The following EPHA6 variants were observed in gnomAD, a reference collection of about 807,000 sequenced individuals.
EPHA6 encodes the protein ephrin type-A receptor 6.
Under a neutral mutation model 112.0 loss-of-function variants are expected in EPHA6, and 50 were observed. The observed-to-expected ratio is 0.45, with a 90% CI of 0.36 to 0.56. The LOEUF is 0.56. Ranked by LOEUF, EPHA6 falls within the 20% of genes least tolerant of loss-of-function variation. EPHA6 has a pLI of 0.00. For synonymous variants in EPHA6, 529 were observed against 490.7 expected (o/e 1.08, Z -1.03); for missense variants, 1,280 against 1,417.4 (o/e 0.90, Z 1.56).
intron 3 of EPHA6, among the ~76,000 whole-genome samples, chr3:97,112,643 G>GTT (rs149242710): frequency 8.7e-5 from 13 of 148,972 alleles, no homozygotes; most frequent in African/African-American, 1.5e-4. Context: ...ACTATGAGTG[G>GTT]TTTTTTTTTT....
chr3:96,931,756 G>C (rs1382629684), intron 2 of EPHA6, among the ~76,000 whole-genome samples: 1 of 152,216 alleles, frequency 6.6e-6, no homozygotes, highest in Admixed American at 6.5e-5. Context: ...TTTCAAACCA[G>C]TGAGTCTTAT....
intron 1 of EPHA6, among the ~76,000 whole-genome samples, chr3:96,845,801 A>G (rs1471751990): frequency 2.6e-5 from 4 of 151,958 alleles, no homozygotes; most frequent in African/African-American, 9.7e-5. Flanking sequence ...CTGATTCAGA[A>G]CTGGCTCAAC....
intron 5 of EPHA6, chr3:97,244,663 T>C (rs936868549): frequency 3.7e-6 from 1 of 272,400 alleles, no homozygotes; most frequent in Non-Finnish European, 6.8e-6. Flanking sequence ...CCTTTTTGCA[T>C]GTCAAATAAA....
At position 97,659,159 on chromosome 3, in the gene EPHA6, T is replaced by C. The variant is rs372646999; in HGVS notation, c.2784+21077T>C. 4.3e-4 allele frequency among the ~76,000 whole-genome samples: 65 copies of C among 152,092 alleles called. No individual in the cohort carries two copies. The East Asian group carries it at 0.012, about 29-fold the overall frequency. On this transcript the variant is annotated intron_variant, in intron 14 of 17. Transcript: ENST00000389672. ...GGGATTCCCATAGTGGACTTTAATC[T>C]GATTTAGTCAGTGTTTCCATCTATA...
intron 2 of EPHA6, among the ~76,000 whole-genome samples, chr3:96,926,583 G>T (rs557849330): frequency 6.6e-6 from 1 of 152,192 alleles, no homozygotes; most frequent in South Asian, 2.1e-4. Context: ...ATACAGTGGG[G>T]GCACAGGTAT....
chr3:97,182,555 A>G (rs1262228073), intron 3 of EPHA6, among the ~76,000 whole-genome samples: 1 of 152,040 alleles, frequency 6.6e-6, no homozygotes, highest in African/African-American at 2.4e-5. Context: ...CTGGAACACA[A>G]TCAGTATTTT....
At chr3:97,626,062 T>C (rs2093854061) in intron 13 of EPHA6, among the ~76,000 whole-genome samples, 1 of 151,806 alleles carries the variant, frequency 6.6e-6, no homozygotes, top group South Asian at 2.1e-4. Flanking sequence ...GGAATAATTA[T>C]TGAAATTAAA....
intron 3 of EPHA6, among the ~76,000 whole-genome samples, chr3:97,127,082 C>T (rs2048202702): frequency 6.6e-6 from 1 of 151,932 alleles, no homozygotes; most frequent in Admixed American, 6.6e-5. Context: ...CATACAAATT[C>T]ATTTAATAAG....
At chr3:97,234,663 A>G (rs1348389763) in intron 4 of EPHA6, among the ~76,000 whole-genome samples, 1 of 151,968 alleles carries the variant, frequency 6.6e-6, no homozygotes, top group African/African-American at 2.4e-5. Context: ...TTTTCTGATC[A>G]TTTTGTTTAT....
chr3:97,010,205 T>C, intron 3 of EPHA6: 1 of 647,324 alleles, frequency 1.5e-6, no homozygotes, highest in Non-Finnish European at 2.2e-6. Context: ...TGGGTTCTGG[T>C]CAATCAAAGG....
chr3:96,920,634 G>A (rs1345033505), intron 2 of EPHA6, among the ~76,000 whole-genome samples: 1 of 151,712 alleles, frequency 6.6e-6, no homozygotes, highest in Non-Finnish European at 1.5e-5. Context: ...ACAGAAACCT[G>A]TAAGGATTGT....
intron 6 of EPHA6, among the ~76,000 whole-genome samples, chr3:97,408,274 C>T (rs2087490587): frequency 6.6e-6 from 1 of 151,972 alleles, no homozygotes; most frequent in Non-Finnish European, 1.5e-5. Context: ...AGGCCGGGCA[C>T]GGTGGCTCAT....
intron 3 of EPHA6, among the ~76,000 whole-genome samples, chr3:97,143,572 A>G (rs1350786434): frequency 8.6e-5 from 13 of 151,796 alleles, no homozygotes; most frequent in East Asian, 1.9e-4. Context: ...AGAGGGTGTT[A>G]TGAATGCTTA....
intron 11 of EPHA6, among the ~76,000 whole-genome samples, chr3:97,591,917 C>T (rs1018570343): frequency 6.6e-6 from 1 of 152,118 alleles, no homozygotes; most frequent in Admixed American, 6.5e-5. Flanking sequence ...GATCTCTACA[C>T]TGTTATTTCG....
intron 3 of EPHA6, among the ~76,000 whole-genome samples, chr3:97,038,463 C>T (rs559582730): frequency 6.6e-6 from 1 of 152,148 alleles, no homozygotes; most frequent in African/African-American, 2.4e-5. Context: ...ACAGTTCCAT[C>T]CATGTTGCGG....
intron 1 of EPHA6, among the ~76,000 whole-genome samples, chr3:96,857,672 A>AT (rs764257032): frequency 6.6e-6 from 1 of 151,982 alleles, no homozygotes; most frequent in Non-Finnish European, 1.5e-5. Context: ...AAGTCTTCAC[A>AT]TTTTTCCTGC....
chr3:97,251,700 T>G (rs2079147392), intron 5 of EPHA6, among the ~76,000 whole-genome samples: 1 of 152,120 alleles, frequency 6.6e-6, no homozygotes, highest in African/African-American at 2.4e-5. Context: ...AGATGAGTGT[T>G]TTTTCTTCCA....
In EPHA6 at chr3:97,418,350, T is replaced by C. The variant is rs541318587; in HGVS notation, c.1731+13076T>C. On this transcript the variant is annotated intron_variant, in intron 6 of 17. Coordinates refer to ENST00000389672, the MANE Select transcript of EPHA6 (RefSeq NM_001080448.3). ...ATATGAATAATGGCTGTGAATTTTCTAGAAGGAAGTATAACATGTTCAAAA... is the reference window on the plus strand; with the variant it reads ...ATATGAATAATGGCTGTGAATTTTCCAGAAGGAAGTATAACATGTTCAAAA... Among the ~76,000 whole-genome samples, 207 of 152,162 alleles carry C rather than the reference T, an allele frequency of 1.4e-3. 1 individual carries two copies. The highest frequency in any genetic ancestry group is 6.8e-3 in the Middle Eastern group (2 of 294).
chr3:97,013,401 T>A (rs1015022726), intron 3 of EPHA6, among the ~76,000 whole-genome samples: 2 of 152,168 alleles, frequency 1.3e-5, no homozygotes, highest in Non-Finnish European at 2.9e-5. Context: ...TAGGTTCTCA[T>A]GTTTTTCTCC....
Sources: gnomAD v4.1 joint callset for allele counts (sites outside exome capture counted in the v4.1 genomes callset) on GRCh38, gnomAD v4.1.1 for gene constraint, MANE v1.5 for transcripts, NCBI Gene and HGNC (gene_info 2026-07-23, HGNC 2026-07-21) for gene names.